The following BCL2 variants were observed in gnomAD, a reference collection of about 807,000 sequenced individuals.
BCL2 encodes the protein BCL2 apoptosis regulator.
In BCL2, 1 loss-of-function variant was observed where a neutral mutation model predicts 14.2. The ratio of observed to expected loss-of-function variants is 0.07; its 90% CI spans 0.02 to 0.33. The LOEUF (loss-of-function observed/expected upper bound fraction) is 0.33. Ranked by LOEUF, BCL2 falls within the 10% of genes least tolerant of loss-of-function variation. The pLI is 0.99. For synonymous variants in BCL2, 151 were observed against 137.2 expected (o/e 1.10, Z -0.70); for missense variants, 247 against 305.9 (o/e 0.81, Z 1.44).
chr18:63,214,737 C>A, intron 2 of BCL2, among the ~76,000 whole-genome samples: 1 of 151,746 alleles, frequency 6.6e-6, no homozygotes, highest in Middle Eastern at 3.2e-3. Context: ...TTGAGACATA[C>A]GCTCACTCTG....
Position 63,318,695 on chromosome 18 carries a change from A to G in BCL2, c.-29T>C. On this transcript the variant is annotated 5_prime_UTR_variant, in exon 2 of 3. Transcript: ENST00000333681. This position sits in a 1 kb window ranked among gnomAD's most constrained non-coding sequence, Gnocchi z 7.4. ...TCCCAGAGGAAAAGCAACGGGGGCC[A>G]ACGGCACCTCTCGCCCCAGCTCCCA... 2 of 1,612,104 alleles carry G rather than the reference A, an allele frequency of 1.2e-6. No individual in the cohort carries two copies. Among genetic ancestry groups the G allele is most frequent in the Non-Finnish European group, 1.7e-6 (2 of 1,179,000 alleles).
At chr18:63,202,794 C>G (rs2144665745) in intron 2 of BCL2, among the ~76,000 whole-genome samples, 1 of 152,346 alleles carries the variant, frequency 6.6e-6, no homozygotes, top group South Asian at 2.1e-4. Context: ...CACCTTCACT[C>G]TGTGTGTCTT....
At chr18:63,173,894 G>A (rs1360435270) in intron 2 of BCL2, among the ~76,000 whole-genome samples, 1 of 152,146 alleles carries the variant, frequency 6.6e-6, no homozygotes, top group Non-Finnish European at 1.5e-5. Flanking sequence ...AATTTGACTT[G>A]CAGTTTCCTT....
chr18:63,219,088 A>G (rs888849584), intron 2 of BCL2, among the ~76,000 whole-genome samples: 1 of 152,192 alleles, frequency 6.6e-6, no homozygotes, highest in Admixed American at 6.5e-5. Flanking sequence ...ATCATTTGAC[A>G]TTAAAGGACT....
chr18:63,137,017 G>C (rs944943746), intron 2 of BCL2, among the ~76,000 whole-genome samples: 1 of 152,198 alleles, frequency 6.6e-6, no homozygotes, highest in Non-Finnish European at 1.5e-5. Flanking sequence ...TTTCCAGTCT[G>C]ATCTCTCTGC....
intron 2 of BCL2, among the ~76,000 whole-genome samples, chr18:63,180,523 CCGCCCAT>C: frequency 1.0e-5 from 1 of 97,004 alleles, no homozygotes; most frequent in South Asian, 3.4e-4. Flanking sequence ...CCACCCCAGA[CCGCCCAT>C]CCCACCCCAG....
rs531804034 is a variant in BCL2, at chr18:63,171,907, G to C, written c.586-43148C>G. 2.5e-4 allele frequency among the ~76,000 whole-genome samples: 38 copies of C among 152,314 alleles called. No homozygotes were observed. The Middle Eastern group carries it at 0.014, about 55-fold the overall frequency. Reference sequence around the variant, plus strand: ...CAGGCAGAAGGATTGCTTGAGTCCAGGGGTTTGAGGCTGCAGTGAGCTATG... The same window carrying C: ...CAGGCAGAAGGATTGCTTGAGTCCACGGGTTTGAGGCTGCAGTGAGCTATG... On this transcript the variant is annotated intron_variant, in intron 2 of 2. Transcript: ENST00000333681.
At chr18:63,287,723 T>C (rs941725310) in intron 2 of BCL2, among the ~76,000 whole-genome samples, 3 of 151,744 alleles carry the variant, frequency 2.0e-5, no homozygotes, top group South Asian at 2.1e-4. Context: ...GAATGAGAGG[T>C]TGAATTAGAG....
chr18:63,314,993 T>C (rs768906717), intron 2 of BCL2: 1 of 152,166 alleles, frequency 6.6e-6, no homozygotes, highest in Non-Finnish European at 1.5e-5. Context: ...GTATTCCAAG[T>C]AACACTATAG....
intron 2 of BCL2, among the ~76,000 whole-genome samples, chr18:63,184,634 T>C (rs2144645462): frequency 6.6e-6 from 1 of 152,364 alleles, no homozygotes; most frequent in East Asian, 1.9e-4. Context: ...GGATTCCTGC[T>C]GTAATACAGA....
At chr18:63,315,150 G>A (rs1380820588) in intron 2 of BCL2, 1 of 152,212 alleles carries the variant, frequency 6.6e-6, no homozygotes, top group Non-Finnish European at 1.5e-5. Flanking sequence ...CAGTAGCTCT[G>A]GGGTGGGAGC....
intron 2 of BCL2, among the ~76,000 whole-genome samples, chr18:63,312,885 T>C (rs112706188): frequency 1.3e-5 from 2 of 152,376 alleles, no homozygotes; most frequent in African/African-American, 2.4e-5. Context: ...CTTCTTAGTA[T>C]GCATAAATAG....
intron 2 of BCL2, among the ~76,000 whole-genome samples, chr18:63,155,010 G>T (rs530819194): frequency 6.6e-6 from 1 of 152,190 alleles, no homozygotes. Flanking sequence ...AGCCTAGAAC[G>T]TTCAGTTATG....
intron 2 of BCL2, chr18:63,302,856 A>G (rs893760363): frequency 2.0e-6 from 2 of 985,268 alleles, no homozygotes; most frequent in Admixed American, 6.1e-5. Flanking sequence ...TCCTGTTCAA[A>G]TGTTATTATG....
chr18:63,169,769 C>T (rs1439015251), intron 2 of BCL2, among the ~76,000 whole-genome samples: 7 of 151,982 alleles, frequency 4.6e-5, no homozygotes, highest in African/African-American at 1.7e-4. Context: ...ATGATCCACC[C>T]GCCTCGGCCT....
rs549404912 is a variant in BCL2, at chr18:63,215,267, G to A, written c.586-86508C>T. Among the ~76,000 whole-genome samples, 3 of 152,284 alleles carry A rather than the reference G, an allele frequency of 2.0e-5. No individual in the cohort carries two copies. In the South Asian group the frequency reaches 6.2e-4, roughly 32 times the overall value. On this transcript the variant is annotated intron_variant, in intron 2 of 2. Coordinates refer to ENST00000333681, the MANE Select transcript of BCL2 (RefSeq NM_000633.3). ...ACCATGCCATTTAGAAAGCAATCTGGAAATGTCTATTCCAATCTAAAAATC... is the reference window on the plus strand; with the variant it reads ...ACCATGCCATTTAGAAAGCAATCTGAAAATGTCTATTCCAATCTAAAAATC...
In BCL2 at chr18:63,186,213, T is replaced by C. The variant is rs376848504; in HGVS notation, c.586-57454A>G. The stretch of plus-strand genomic sequence containing the variant: ...CCTGAGCATGCTATCTATTTATACT[T>C]TGCTTACTTCTGTGGAGTTCAAACT... On this transcript the variant is annotated intron_variant, in intron 2 of 2. Coordinates refer to ENST00000333681, the MANE Select transcript of BCL2 (RefSeq NM_000633.3). Among the ~76,000 whole-genome samples, 19 of 152,376 alleles carry C rather than the reference T, an allele frequency of 1.2e-4. No individual in the cohort carries two copies. In the East Asian group the frequency reaches 3.3e-3, roughly 26 times the overall value.
chr18:63,175,801 G>A (rs750065087), intron 2 of BCL2, among the ~76,000 whole-genome samples: 1 of 152,188 alleles, frequency 6.6e-6, no homozygotes, highest in Non-Finnish European at 1.5e-5. Flanking sequence ...AATCTATTTA[G>A]ACACCTTCTT....
intron 2 of BCL2, among the ~76,000 whole-genome samples, chr18:63,190,110 C>A (rs1027690324): frequency 6.6e-6 from 1 of 152,166 alleles, no homozygotes; most frequent in Non-Finnish European, 1.5e-5. Context: ...TTCACTCTCA[C>A]TGTCACACTG....
Sources: allele counts gnomAD v4.1 joint callset (sites outside exome capture counted in the v4.1 genomes callset), GRCh38; gene constraint gnomAD v4.1.1; non-coding constraint Gnocchi (gnomAD v3.1); transcripts MANE v1.5; gene names NCBI Gene and HGNC (gene_info 2026-07-23, HGNC 2026-07-21).